PTPRT: variants seen among roughly 807,000 people sequenced by gnomAD.
PTPRT encodes the protein receptor-type tyrosine-protein phosphatase T.
PTPRT carries 56 observed loss-of-function variants against 176.8 expected under a neutral mutation model. The ratio of observed to expected loss-of-function variants is 0.32; its 90% CI spans 0.26 to 0.40. PTPRT has a LOEUF of 0.40. PTPRT is among the 10% of genes least tolerant of loss of function. PTPRT has a pLI of 1.00. For synonymous variants in PTPRT, 783 were observed against 739.0 expected, an observed-to-expected ratio of 1.06 and a Z score of -0.96; for missense variants, 1,540 against 1,908.2, an observed-to-expected ratio of 0.81 and a Z score of 3.60.
intron 1 of PTPRT, among the ~76,000 whole-genome samples, chr20:43,157,689 T>G (rs2014564018): frequency 6.6e-6 from 1 of 152,298 alleles, no homozygotes; most frequent in East Asian, 1.9e-4. Flanking sequence ...CTGGTTTGGA[T>G]GGCAAGTTAT....
chr20:42,062,794 C>A, the PTPRT span, among the ~76,000 whole-genome samples: 5 of 152,212 alleles, frequency 3.3e-5, no homozygotes, highest in Non-Finnish European at 7.3e-5. Flanking sequence ...ACACCTCACT[C>A]CAGTCCTGAA....
intron 7 of PTPRT, among the ~76,000 whole-genome samples, chr20:42,672,064 T>C (rs1475996994): frequency 6.6e-6 from 1 of 152,246 alleles, no homozygotes; most frequent in Non-Finnish European, 1.5e-5. Flanking sequence ...AGAAAATTGT[T>C]TCACCACTGT....
rs575150892 is a variant in PTPRT at position 42,582,092 on chromosome 20, T to C, written c.1153+95774A>G. On this transcript the variant is annotated intron_variant, in intron 7 of 30. Coordinates refer to ENST00000373187, the MANE Select transcript of PTPRT (RefSeq NM_007050.6). ...CTGTGATGATTATAATAATGGTGGC[T>C]TTGTGGGGAGAGTGTCAGCGCAGCC... Among the ~76,000 whole-genome samples, 20 of 152,230 alleles carry C rather than the reference T, an allele frequency of 1.3e-4. No individual in the cohort carries two copies. The East Asian group carries it at 3.9e-3, about 29-fold the overall frequency.
At chr20:42,762,698 T>C (rs2076932003) in intron 5 of PTPRT, among the ~76,000 whole-genome samples, 1 of 152,230 alleles carries the variant, frequency 6.6e-6, no homozygotes, top group Non-Finnish European at 1.5e-5. Flanking sequence ...TACATATCTA[T>C]GGAGCTGCAT....
rs535971914 is a variant in PTPRT at position 42,779,374 on chromosome 20, G to C, written c.568+844C>G. Among the ~76,000 whole-genome samples the C allele has an allele frequency of 5.3e-5, 8 of 152,278 alleles. No individual in the cohort carries two copies. The East Asian group carries it at 1.4e-3, about 26-fold the overall frequency. ...GAGAGAGCCCACAGGGGGTTACCTA[G>C]AACTGGATGGCTGCCAAGAAACTAC... On this transcript the variant is annotated intron_variant, in intron 4 of 30. Transcript: ENST00000373187.
At chr20:42,611,720 C>G (rs1000956918) in intron 7 of PTPRT, among the ~76,000 whole-genome samples, 5 of 152,208 alleles carry the variant, frequency 3.3e-5, no homozygotes, top group Non-Finnish European at 5.9e-5. Context: ...ATGGAACCAT[C>G]CCCTCCTGGC....
chr20:43,002,674 A>G (rs980806463), intron 1 of PTPRT, among the ~76,000 whole-genome samples: 3 of 152,184 alleles, frequency 2.0e-5, no homozygotes, highest in Non-Finnish European at 4.4e-5. Flanking sequence ...TTTAGAGAAT[A>G]GCAATAATGA....
intron 2 of PTPRT, among the ~76,000 whole-genome samples, chr20:42,859,551 C>A (rs2078623426): frequency 6.6e-6 from 1 of 151,214 alleles, no homozygotes; most frequent in South Asian, 2.1e-4. Context: ...ATATAATGCA[C>A]ATATCTGAGC....
chr20:42,194,004 T>C (rs1016152802), intron 16 of PTPRT, among the ~76,000 whole-genome samples: 3 of 152,308 alleles, frequency 2.0e-5, no homozygotes, highest in East Asian at 3.9e-4. Context: ...ATTTGGGCCA[T>C]GAAAGCTCTC....
At chr20:42,797,026 T>A (rs1046255891) in intron 2 of PTPRT, among the ~76,000 whole-genome samples, 2 of 152,228 alleles carry the variant, frequency 1.3e-5, no homozygotes, top group African/African-American at 4.8e-5. Flanking sequence ...ATGTAGGTCC[T>A]CAAAAACAGC....
chr20:43,146,258 A>T (rs1325725349), intron 1 of PTPRT, among the ~76,000 whole-genome samples: 1 of 152,214 alleles, frequency 6.6e-6, no homozygotes, highest in Non-Finnish European at 1.5e-5. Flanking sequence ...CTTTGAGCTA[A>T]CACAATATGC....
At chr20:42,342,070 T>C (rs6030156) in intron 11 of PTPRT, among the ~76,000 whole-genome samples, 2,238 of 152,302 alleles carry the variant, frequency 0.015, 50 homozygotes, top group African/African-American at 0.052. Context: ...TATTTGGGTG[T>C]CACCTTTCTT....
rs77838651 is a variant in PTPRT at position 43,088,919 on chromosome 20, A to G, written c.88+100727T>C. 6.0e-3 allele frequency among the ~76,000 whole-genome samples: 906 copies of G among 152,268 alleles called. 7 individuals are homozygous for G. Among genetic ancestry groups the G allele is most frequent in the African/African-American group, 0.02 (840 of 41,550 alleles). On this transcript the variant is annotated intron_variant, in intron 1 of 30. Transcript: ENST00000373187. ...GATTCTAGATCCTGACTCCTATGCA[A>G]GTAGCTCGGCAAGGAGAGGGGAGCA... is the stretch of plus-strand genomic sequence containing the variant.
intron 11 of PTPRT, among the ~76,000 whole-genome samples, chr20:42,330,281 G>A (rs747721141): frequency 7.9e-5 from 12 of 151,892 alleles, no homozygotes; most frequent in Non-Finnish European, 1.5e-4. Context: ...CACTAGCCTC[G>A]CCAACATCGT....
At chr20:42,157,712 T>C (rs1989424169) in intron 17 of PTPRT, among the ~76,000 whole-genome samples, 1 of 152,064 alleles carries the variant, frequency 6.6e-6, no homozygotes, top group Non-Finnish European at 1.5e-5. Context: ...CAAATTCCCC[T>C]CTCCTAGAAA....
At chr20:42,903,678 TA>T (rs1246079392) in intron 1 of PTPRT, among the ~76,000 whole-genome samples, 3 of 152,170 alleles carry the variant, frequency 2.0e-5, no homozygotes, top group South Asian at 2.1e-4. Flanking sequence ...AAGTGTGCAT[TA>T]ATTGTAGGAT....
chr20:42,918,321 C>A (rs1261959401), intron 1 of PTPRT, among the ~76,000 whole-genome samples: 1 of 152,188 alleles, frequency 6.6e-6, no homozygotes, highest in African/African-American at 2.4e-5. Flanking sequence ...CGGCAAAGAA[C>A]CACCTTTCCC....
intron 7 of PTPRT, among the ~76,000 whole-genome samples, chr20:42,616,164 A>T (rs1425127076): frequency 8.0e-6 from 1 of 125,116 alleles, no homozygotes. Flanking sequence ...ATGGCTAGCC[A>T]GTTTTCCCAG....
chr20:42,435,901 A>G (rs181655123), intron 9 of PTPRT, among the ~76,000 whole-genome samples: 2 of 152,338 alleles, frequency 1.3e-5, no homozygotes, highest in Admixed American at 6.5e-5. Flanking sequence ...ATGACTATGC[A>G]TGGTTACAGT....
Sources: allele counts gnomAD v4.1 joint callset (sites outside exome capture counted in the v4.1 genomes callset), GRCh38; gene constraint gnomAD v4.1.1; transcripts MANE v1.5; gene names NCBI Gene and HGNC (gene_info 2026-07-23, HGNC 2026-07-21).